SRBD1: variants seen among roughly 807,000 people sequenced by gnomAD.
SRBD1 encodes the protein S1 RNA binding domain 1, also known as S1 RNA-binding domain-containing protein 1.
SRBD1 carries 88 observed loss-of-function variants against 115.3 expected under a neutral mutation model. The observed-to-expected ratio is 0.76, with a 90% CI of 0.64 to 0.91. SRBD1 has a LOEUF of 0.91. SRBD1 is among the 40% of genes least tolerant of loss of function. The pLI is 0.00. For missense variants in SRBD1, 1,385 were observed against 1,177.4 expected, an observed-to-expected ratio of 1.18 and a Z score of -2.58; for synonymous variants, 509 against 407.7, an observed-to-expected ratio of 1.25 and a Z score of -2.99.
At chr2:45,440,843 G>A (rs78278643) in intron 16 of SRBD1, among the ~76,000 whole-genome samples, 7 of 152,130 alleles carry the variant, frequency 4.6e-5, no homozygotes, top group African/African-American at 1.7e-4. Context: ...AGGGAAGGCA[G>A]GGAGGCATCC....
intron 9 of SRBD1, among the ~76,000 whole-genome samples, chr2:45,566,330 A>AT (rs1672829898): frequency 6.6e-6 from 1 of 152,248 alleles, no homozygotes; most frequent in African/African-American, 2.4e-5. Flanking sequence ...TGATGAATGG[A>AT]TAAGTAAAAT....
chr2:45,527,503 G>T (rs1259092703), intron 14 of SRBD1, among the ~76,000 whole-genome samples: 1 of 151,612 alleles, frequency 6.6e-6, no homozygotes, highest in Non-Finnish European at 1.5e-5. Flanking sequence ...ATAGGCAGAG[G>T]ATGAGGAAAG....
At chr2:45,488,377 C>T in intron 14 of SRBD1, 46 bp from the exon 15 acceptor site, 1 of 1,548,092 alleles carries the variant, frequency 6.5e-7, no homozygotes, top group Non-Finnish European at 8.9e-7. Flanking sequence ...AACTTCCTGC[C>T]TGGTCAAAGA....
intron 16 of SRBD1, among the ~76,000 whole-genome samples, chr2:45,431,690 T>C (rs962679675): frequency 3.9e-5 from 6 of 152,130 alleles, no homozygotes; most frequent in African/African-American, 1.4e-4. Context: ...GATGGGTTGA[T>C]GGGTGCAGCG....
At chr2:45,536,884 G>A (rs866703655) in intron 14 of SRBD1, among the ~76,000 whole-genome samples, 38 of 152,110 alleles carry the variant, frequency 2.5e-4, no homozygotes, top group African/African-American at 8.9e-4. Flanking sequence ...GCTGAAAACT[G>A]TAATTTCATA....
In SRBD1 at chr2:45,389,190, A is replaced by C; in HGVS notation, c.*120T>G. ...AAATAAAGGAAAGTGTTTGGAAAAT[A>C]TTTCTGATATTAAGTGAATTATTTC... On this transcript the variant is annotated 3_prime_UTR_variant, in exon 21 of 21. Coordinates refer to ENST00000263736, the MANE Select transcript of SRBD1 (RefSeq NM_018079.5). 1 of 1,174,622 alleles carries C rather than the reference A, an allele frequency of 8.5e-7. No homozygotes were observed. The highest frequency in any genetic ancestry group is 1.2e-6 in the Non-Finnish European group (1 of 845,984). The allele number at this position is 1,174,622 out of a possible 1,614,324, so 72.8% of individuals were successfully genotyped here. A position where few individuals can be genotyped will look rare whatever the true frequency, so the allele number is the denominator to read the frequency against.
intron 16 of SRBD1, among the ~76,000 whole-genome samples, chr2:45,425,167 T>C (rs558039573): frequency 6.6e-6 from 1 of 152,244 alleles, no homozygotes; most frequent in African/African-American, 2.4e-5. Context: ...GTTTTTCCAA[T>C]TGAAGCAGTC....
intron 4 of SRBD1, among the ~76,000 whole-genome samples, chr2:45,592,350 C>T (rs1242859296): frequency 6.6e-6 from 1 of 152,092 alleles, no homozygotes; most frequent in Non-Finnish European, 1.5e-5. Context: ...GTACTCACCT[C>T]CCAAGCATAA....
chr2:45,469,978 G>C (rs1222409006), intron 16 of SRBD1, among the ~76,000 whole-genome samples: 1 of 152,132 alleles, frequency 6.6e-6, no homozygotes, highest in African/African-American at 2.4e-5. Flanking sequence ...TTTCACCTTT[G>C]TGTTTTCTCT....
At chr2:45,392,807 C>T (rs1667039555) in intron 20 of SRBD1, 138 bp downstream of exon 20, 4 of 897,744 alleles carry the variant, frequency 4.5e-6, no homozygotes, top group Non-Finnish European at 4.9e-6. Context: ...AGGAAGATCA[C>T]CATGCTTTAT....
intron 4 of SRBD1, among the ~76,000 whole-genome samples, chr2:45,598,744 A>G (rs1221507530): frequency 6.6e-6 from 1 of 152,206 alleles, no homozygotes; most frequent in Non-Finnish European, 1.5e-5. Flanking sequence ...TACAGCCACA[A>G]TCATAGCAAG....
intron 14 of SRBD1, among the ~76,000 whole-genome samples, chr2:45,513,994 C>T (rs545476780): frequency 2.6e-5 from 4 of 152,234 alleles, no homozygotes; most frequent in Non-Finnish European, 5.9e-5. Context: ...AGTCCAAACT[C>T]TTTCATCATA....
At chr2:45,571,022 T>C (rs7588955) in intron 9 of SRBD1, among the ~76,000 whole-genome samples, 7,449 of 152,138 alleles carry the variant, frequency 0.049, 574 homozygotes, top group African/African-American at 0.16. Flanking sequence ...ATGAGATATT[T>C]GAGGGAAAAG....
At chr2:45,559,718 T>C (rs1672600019) in intron 10 of SRBD1, among the ~76,000 whole-genome samples, 1 of 152,178 alleles carries the variant, frequency 6.6e-6, no homozygotes, top group African/African-American at 2.4e-5. Flanking sequence ...AAAAAAGTTC[T>C]TTTGAGAATA....
intron 16 of SRBD1, among the ~76,000 whole-genome samples, chr2:45,449,077 A>T (rs1444632686): frequency 6.6e-6 from 1 of 152,228 alleles, no homozygotes; most frequent in Non-Finnish European, 1.5e-5. Context: ...ACGATTGCAG[A>T]TTATTCAATT....
intron 16 of SRBD1, among the ~76,000 whole-genome samples, chr2:45,450,271 A>C (rs1272372317): frequency 6.6e-6 from 1 of 152,204 alleles, no homozygotes; most frequent in Non-Finnish European, 1.5e-5. Context: ...GAAGATAGCG[A>C]ATTCAAAGTT....
chr2:45,574,008 A>C (rs1187584972), intron 8 of SRBD1, among the ~76,000 whole-genome samples: 1 of 152,204 alleles, frequency 6.6e-6, no homozygotes, highest in Admixed American at 6.5e-5. Flanking sequence ...ACACAGCAGA[A>C]AAAGAACAAA....
rs1332103488 is a variant in SRBD1 at position 45,562,774 on chromosome 2, G to A, written c.1306-18C>T. ...GCCAGAATCTGAGTGCAAACATAAG[G>A]CAAAGACTAATAATCCACAAAATAT... On this transcript the variant is annotated intron_variant, in intron 9 of 20. Transcript: ENST00000263736. 4 of 1,553,606 alleles carry A rather than the reference G, an allele frequency of 2.6e-6. No homozygotes were observed. The highest frequency in any genetic ancestry group is 2.8e-5 in the African/African-American group (2 of 72,604).
At chr2:45,468,138 T>C (rs1452949565) in intron 16 of SRBD1, among the ~76,000 whole-genome samples, 2 of 152,166 alleles carry the variant, frequency 1.3e-5, no homozygotes, top group Non-Finnish European at 1.5e-5. Context: ...TAGGTATTCA[T>C]AAATCCTATA....
Sources: allele counts gnomAD v4.1 joint callset (sites outside exome capture counted in the v4.1 genomes callset), GRCh38; gene constraint gnomAD v4.1.1; transcripts MANE v1.5; gene names NCBI Gene and HGNC (gene_info 2026-07-23, HGNC 2026-07-21).